The following BMPR1B variants were observed in gnomAD, a reference collection of about 807,000 sequenced individuals.
The protein encoded by BMPR1B is bone morphogenetic protein receptor type-1B.
BMPR1B carries 12 observed loss-of-function variants against 59.1 expected under a neutral mutation model. The observed-to-expected ratio is 0.20, with a 90% CI of 0.13 to 0.33. The LOEUF (loss-of-function observed/expected upper bound fraction) is 0.33. Ranked by LOEUF, BMPR1B falls within the 10% of genes least tolerant of loss-of-function variation. The probability of loss-of-function intolerance (pLI) is 1.00; values close to 1 mark genes in which losing one functional copy is unlikely to be tolerated. For synonymous variants in BMPR1B, 237 were observed against 207.3 expected (o/e 1.14, Z -1.23); for missense variants, 550 against 610.9 (o/e 0.90, Z 1.05).
intron 1 of BMPR1B, among the ~76,000 whole-genome samples, chr4:94,799,039 G>T (rs998948193): frequency 1.3e-5 from 2 of 151,426 alleles, no homozygotes; most frequent in South Asian, 4.2e-4. Flanking sequence ...GTTAGTGTGT[G>T]TTTCTTGGAT....
rs1452730895 is a variant in BMPR1B at position 94,973,151 on chromosome 4, G to C, written c.-112-22889G>C. Among the ~76,000 whole-genome samples the C allele has an allele frequency of 2.6e-5, 4 of 152,160 alleles. No individual in the cohort carries two copies. The East Asian group carries it at 5.8e-4, about 22-fold the overall frequency. On this transcript the variant is annotated intron_variant, in intron 2 of 12. Coordinates refer to ENST00000515059, the MANE Select transcript of BMPR1B (RefSeq NM_001203.3). ...TTGCCTATGACCCCCTGAAACCCCA[G>C]AGGGTGTGTTGCAGTGCTCTTTCAG...
chr4:94,982,391 C>G (rs774087499), intron 2 of BMPR1B, among the ~76,000 whole-genome samples: 21 of 152,086 alleles, frequency 1.4e-4, no homozygotes, highest in Admixed American at 2.6e-4. Context: ...AAATCTTTAT[C>G]TTCCAAAGGC....
chr4:94,904,395 G>A (rs1437649257), intron 2 of BMPR1B, among the ~76,000 whole-genome samples: 1 of 152,022 alleles, frequency 6.6e-6, no homozygotes, highest in Non-Finnish European at 1.5e-5. Flanking sequence ...ATTCTAAGAA[G>A]TGGTAAACAA....
At chr4:95,086,420 A>T (rs967848866) in intron 3 of BMPR1B, among the ~76,000 whole-genome samples, 4 of 152,232 alleles carry the variant, frequency 2.6e-5, no homozygotes, top group African/African-American at 9.6e-5. Context: ...AATGCGAACC[A>T]GTATTCTTAA....
intron 3 of BMPR1B, among the ~76,000 whole-genome samples, chr4:95,045,009 A>G (rs1199915122): frequency 6.6e-6 from 1 of 152,282 alleles, no homozygotes; most frequent in African/African-American, 2.4e-5. Flanking sequence ...GAAAGTTTGA[A>G]AAACATTTTA....
chr4:95,011,404 A>T (rs1036019829), intron 3 of BMPR1B, among the ~76,000 whole-genome samples: 1 of 152,146 alleles, frequency 6.6e-6, no homozygotes. Flanking sequence ...TGTTCCACAG[A>T]GCTCAGGGAC....
intron 1 of BMPR1B, among the ~76,000 whole-genome samples, chr4:94,799,065 T>G (rs1411957686): frequency 6.6e-6 from 1 of 150,928 alleles, no homozygotes; most frequent in Non-Finnish European, 1.5e-5. Flanking sequence ...CCATAAAGGT[T>G]TTCTCTCTAA....
intron 3 of BMPR1B, among the ~76,000 whole-genome samples, chr4:95,040,383 T>G (rs1725567302): frequency 6.6e-6 from 1 of 152,144 alleles, no homozygotes; most frequent in African/African-American, 2.4e-5. Flanking sequence ...TTCAATTGAC[T>G]TATTTTATAT....
chr4:95,130,731 T>TC (rs1733282179), intron 9 of BMPR1B, among the ~76,000 whole-genome samples: 12 of 136,986 alleles, frequency 8.8e-5, no homozygotes, highest in Non-Finnish European at 1.9e-4. Context: ...TTCTTTTTTT[T>TC]TTTTTTTTTT....
chr4:94,927,081 A>G (rs1473336814), intron 2 of BMPR1B, among the ~76,000 whole-genome samples: 1 of 152,196 alleles, frequency 6.6e-6, no homozygotes, highest in Non-Finnish European at 1.5e-5. Flanking sequence ...GATGATCTGG[A>G]CACAACTAGT....
chr4:95,123,395 G>A (rs986731823), intron 6 of BMPR1B, among the ~76,000 whole-genome samples: 4 of 151,964 alleles, frequency 2.6e-5, no homozygotes, highest in Non-Finnish European at 5.9e-5. Context: ...TTATATAGAT[G>A]CTTTTTTATT....
intron 2 of BMPR1B, among the ~76,000 whole-genome samples, chr4:94,921,148 C>T (rs1211302739): frequency 2.0e-5 from 3 of 152,096 alleles, no homozygotes; most frequent in Non-Finnish European, 4.4e-5. Context: ...CTCACGGAAT[C>T]TGCTTGGCGT....
At chr4:94,865,045 T>A (rs1422812829) in intron 1 of BMPR1B, among the ~76,000 whole-genome samples, 1 of 152,088 alleles carries the variant, frequency 6.6e-6, no homozygotes, top group Non-Finnish European at 1.5e-5. Context: ...AGTCTCACTC[T>A]GTCACCCAGG....
chr4:95,086,600 T>A (rs1372350158), intron 3 of BMPR1B, among the ~76,000 whole-genome samples: 1 of 152,230 alleles, frequency 6.6e-6, no homozygotes, highest in East Asian at 1.9e-4. Flanking sequence ...ATTAAAGGTT[T>A]ACTAAGAAGT....
chr4:94,849,713 A>G (rs1245575570), intron 1 of BMPR1B, among the ~76,000 whole-genome samples: 1 of 151,634 alleles, frequency 6.6e-6, no homozygotes, highest in Non-Finnish European at 1.5e-5. Flanking sequence ...AGTTAGGGGG[A>G]AAGCAGAGAG....
At chr4:95,043,274 T>C (rs2149175923) in intron 3 of BMPR1B, among the ~76,000 whole-genome samples, 1 of 149,872 alleles carries the variant, frequency 6.7e-6, no homozygotes, top group Admixed American at 6.6e-5. Flanking sequence ...TCTGACCTCA[T>C]GGTCTTTTAG....
At chr4:95,148,030 G>A (rs548463084) in intron 10 of BMPR1B, among the ~76,000 whole-genome samples, 1 of 151,618 alleles carries the variant, frequency 6.6e-6, no homozygotes, top group African/African-American at 2.4e-5. Flanking sequence ...TTCCATTATT[G>A]TTTTCTTCCT....
intron 1 of BMPR1B, among the ~76,000 whole-genome samples, chr4:94,830,936 T>A (rs1231537403): frequency 2.0e-5 from 3 of 152,210 alleles, no homozygotes; most frequent in Non-Finnish European, 4.4e-5. Context: ...TAAATGACTA[T>A]GTTACAGGTT....
chr4:94,788,267 C>G (rs1426417219), intron 1 of BMPR1B, among the ~76,000 whole-genome samples: 4 of 152,134 alleles, frequency 2.6e-5, no homozygotes, highest in African/African-American at 9.7e-5. Flanking sequence ...AGTGCACCAG[C>G]AGGCATAAAG....
Sources: allele counts gnomAD v4.1 joint callset (sites outside exome capture counted in the v4.1 genomes callset), GRCh38; gene constraint gnomAD v4.1.1; transcripts MANE v1.5; gene names NCBI Gene and HGNC (gene_info 2026-07-23, HGNC 2026-07-21).